PRKCH: variants seen among roughly 807,000 people sequenced by gnomAD.
PRKCH encodes protein kinase C eta.
PRKCH carries 28 observed loss-of-function variants against 82.5 expected under a neutral mutation model. The ratio of observed to expected loss-of-function variants is 0.34; its 90% CI spans 0.25 to 0.47. PRKCH has a LOEUF of 0.47. Among genes scored for constraint, PRKCH ranks in the 20% least tolerant of loss-of-function variants. The pLI is 1.00. For synonymous variants in PRKCH, 322 were observed against 327.4 expected, an observed-to-expected ratio of 0.98 and a Z score of 0.18; for missense variants, 705 against 881.8, an observed-to-expected ratio of 0.80 and a Z score of 2.54.
At chr14:61,386,993 G>A (rs566760971) in intron 1 of PRKCH, among the ~76,000 whole-genome samples, 17 of 152,248 alleles carry the variant, frequency 1.1e-4, no homozygotes, top group African/African-American at 3.9e-4. Context: ...ATGATGTTAC[G>A]AAGAGCTGTT....
chr14:61,453,322 G>A lies in PRKCH; in HGVS notation c.929G>A (p.Gly310Asp). The change falls in exon 7 of 14, where the codon GGT becomes GAT. Residue 310 changes from glycine to aspartate, a missense_variant. Gly to Asp is a moderately conservative substitution (Grantham distance 94). Coordinates refer to ENST00000332981, the MANE Select transcript of PRKCH (RefSeq NM_006255.5). ...VELAKTLAGMGLQPGNISPTS... is the reference protein window; with the variant it reads ...VELAKTLAGMDLQPGNISPTS... ...CTTGCCAAGACCCTGGCAGGGATGG[G>A]TCTCCAACCCGGAAATATTTCTCCA... The A allele has an allele frequency of 6.2e-7, 1 of 1,613,572 alleles. No homozygotes were observed. The highest frequency in any genetic ancestry group is 1.7e-5 in the Admixed American group (1 of 59,900).
rs565645551 is a variant in PRKCH, at chr14:61,466,453, C to A, written c.1278+8774C>A. Among the ~76,000 whole-genome samples the A allele has an allele frequency of 2.6e-5, 4 of 152,270 alleles. No individual in the cohort carries two copies. In the South Asian group the frequency reaches 8.3e-4, roughly 32 times the overall value. On this transcript the variant is annotated intron_variant, in intron 9 of 13. Coordinates refer to ENST00000332981, the MANE Select transcript of PRKCH (RefSeq NM_006255.5). Reference sequence around the variant, plus strand: ...CCTCCCATCCCCCATCCCCGGCTCGCAGGGGCCTCCCCTTCGGTTCTCCTC... The same window carrying A: ...CCTCCCATCCCCCATCCCCGGCTCGAAGGGGCCTCCCCTTCGGTTCTCCTC...
intron 1 of PRKCH, among the ~76,000 whole-genome samples, chr14:61,385,184 G>T (rs1437804165): frequency 6.6e-6 from 1 of 151,984 alleles, no homozygotes; most frequent in Non-Finnish European, 1.5e-5. Flanking sequence ...TTCTATGTGG[G>T]GCTGCCCTAG....
intron 1 of PRKCH, among the ~76,000 whole-genome samples, chr14:61,292,771 CA>C (rs33918460): frequency 0.053 from 3,659 of 69,434 alleles, 22 homozygotes; most frequent in Middle Eastern, 0.15. Flanking sequence ...ACTCCATCTC[CA>C]AAAAAAAAAA....
chr14:61,486,082 G>A (rs1484557533), intron 10 of PRKCH, among the ~76,000 whole-genome samples: 1 of 152,154 alleles, frequency 6.6e-6, no homozygotes. Context: ...AAATAGGCCC[G>A]ACAGTCTCAG....
Position 61,445,988 on chromosome 14 carries a change from A to C in PRKCH, c.613+262A>C, listed in dbSNP as rs536178093. ...TTTAAAGTCTTGTCTCTGCAGTAAC[A>C]TGAGAGTACTAAAAGGTAATGTGAT... On this transcript the variant is annotated intron_variant, in intron 4 of 13. Coordinates refer to ENST00000332981, the MANE Select transcript of PRKCH (RefSeq NM_006255.5). Among the ~76,000 whole-genome samples, 10 of 152,340 alleles carry C rather than the reference A, an allele frequency of 6.6e-5. No individual in the cohort carries two copies. In the South Asian group the frequency reaches 2.1e-3, roughly 32 times the overall value.
chr14:61,380,586 A>T (rs1387671667), intron 1 of PRKCH, among the ~76,000 whole-genome samples: 4 of 152,238 alleles, frequency 2.6e-5, no homozygotes, highest in Non-Finnish European at 4.4e-5. Context: ...CCTCATTCAC[A>T]GAGGAGGTAT....
chr14:61,271,397 C>T (rs2045152751), intron 1 of PRKCH, among the ~76,000 whole-genome samples: 1 of 152,246 alleles, frequency 6.6e-6, no homozygotes, highest in South Asian at 2.1e-4. Flanking sequence ...AATCCCCCTC[C>T]ACCTTCTCAC....
chr14:61,327,321 G>T, intron 1 of PRKCH: 1 of 328,030 alleles, frequency 3.0e-6, no homozygotes, highest in Non-Finnish European at 6.0e-6. Flanking sequence ...TCTATCTAGT[G>T]GTTCATTCTC....
intron 10 of PRKCH, among the ~76,000 whole-genome samples, chr14:61,501,835 C>G (rs990217032): frequency 6.6e-6 from 1 of 152,094 alleles, no homozygotes; most frequent in African/African-American, 2.4e-5. Context: ...ATACCCTTGT[C>G]CCCAGTCTCT....
Position 61,439,180 on chromosome 14 carries a change from G to GTT in PRKCH, c.428-3923_428-3922dup, listed in dbSNP as rs559085984. ...TTTAAGCACCATAGTATTCAATAGG[G>GTT]TTTTTTTTTAGTCCTTTTAACTCAG... On this transcript the variant is annotated intron_variant, in intron 2 of 13. Coordinates refer to ENST00000332981, the MANE Select transcript of PRKCH (RefSeq NM_006255.5). 7.9e-3 allele frequency among the ~76,000 whole-genome samples: 1,204 copies of GTT among 151,774 alleles called. 19 individuals carry two copies. The highest frequency in any genetic ancestry group is 0.028 in the African/African-American group (1,141 of 41,372).
intron 1 of PRKCH, among the ~76,000 whole-genome samples, chr14:61,244,929 T>C (rs2044867576): frequency 6.6e-6 from 1 of 152,190 alleles, no homozygotes; most frequent in African/African-American, 2.4e-5. Context: ...TGTAACAGAC[T>C]GTAGCCGGCA....
intron 9 of PRKCH, among the ~76,000 whole-genome samples, chr14:61,466,548 A>G (rs1164300453): frequency 6.6e-6 from 1 of 152,176 alleles, no homozygotes; most frequent in African/African-American, 2.4e-5. Flanking sequence ...GGGGAGCAGC[A>G]AAGTAAATAT....
chr14:61,381,264 G>A (rs763971992), intron 1 of PRKCH, among the ~76,000 whole-genome samples: 4 of 152,122 alleles, frequency 2.6e-5, no homozygotes, highest in African/African-American at 4.8e-5. Flanking sequence ...CATAGGATCC[G>A]GATTGAGCAG....
At chr14:61,338,581 A>G (rs759603792) in intron 1 of PRKCH, among the ~76,000 whole-genome samples, 3 of 152,194 alleles carry the variant, frequency 2.0e-5, no homozygotes, top group Non-Finnish European at 4.4e-5. Context: ...ACCATCATCC[A>G]GCACACACTA....
chr14:61,541,735 A>G (rs541605203), intron 12 of PRKCH, among the ~76,000 whole-genome samples: 1 of 152,212 alleles, frequency 6.6e-6, no homozygotes, highest in Non-Finnish European at 1.5e-5. Flanking sequence ...GGAAAAAAAT[A>G]CTTGTGGCCA....
intron 10 of PRKCH, among the ~76,000 whole-genome samples, chr14:61,489,753 A>G (rs1886380081): frequency 6.6e-6 from 1 of 152,192 alleles, no homozygotes; most frequent in African/African-American, 2.4e-5. Context: ...TAATTTACTC[A>G]TGGTGTTGAC....
chr14:61,317,035 T>C (rs1036713841), upstream of PRKCH, among the ~76,000 whole-genome samples: 2 of 152,166 alleles, frequency 1.3e-5, no homozygotes, highest in Non-Finnish European at 2.9e-5. Flanking sequence ...CTGTAGCCTT[T>C]TGGGGTTTAA....
intron 1 of PRKCH, among the ~76,000 whole-genome samples, chr14:61,331,595 C>A (rs2045789907): frequency 6.6e-6 from 1 of 152,196 alleles, no homozygotes; most frequent in African/African-American, 2.4e-5. Flanking sequence ...AATAGGGGAA[C>A]ACTGTACTTT....
Sources: allele counts gnomAD v4.1 joint callset (sites outside exome capture counted in the v4.1 genomes callset), GRCh38; gene constraint gnomAD v4.1.1; transcripts MANE v1.5; gene names NCBI Gene and HGNC (gene_info 2026-07-23, HGNC 2026-07-21).